CADPS: variants seen among roughly 807,000 people sequenced by gnomAD.
CADPS encodes the protein calcium-dependent secretion activator 1.
In CADPS, 57 loss-of-function variants were observed where a neutral mutation model predicts 167.3. The observed-to-expected ratio is 0.34, with a 90% CI of 0.28 to 0.42. The LOEUF is 0.42. CADPS is among the 20% of genes least tolerant of loss of function. The pLI is 1.00. For synonymous variants in CADPS, 676 were observed against 635.3 expected, an observed-to-expected ratio of 1.06 and a Z score of -0.96; for missense variants, 1,414 against 1,738.1, an observed-to-expected ratio of 0.81 and a Z score of 3.32.
intron 6 of CADPS, among the ~76,000 whole-genome samples, chr3:62,609,190 A>G (rs1287364682): frequency 6.6e-6 from 1 of 151,834 alleles, no homozygotes; most frequent in African/African-American, 2.4e-5. Context: ...GTTCTTACAA[A>G]TGTTAGTTGA....
intron 17 of CADPS, among the ~76,000 whole-genome samples, chr3:62,506,469 G>T (rs1401018756): frequency 6.6e-6 from 1 of 152,144 alleles, no homozygotes; most frequent in Non-Finnish European, 1.5e-5. Flanking sequence ...ATTAAAGAAA[G>T]AAATATAACA....
chr3:62,585,105 T>C, intron 8 of CADPS, 80 bp downstream of exon 8: 1 of 1,311,028 alleles, frequency 7.6e-7, no homozygotes, highest in Non-Finnish European at 1.1e-6. Flanking sequence ...TCTCTGAAGA[T>C]CTTGTGTTTA....
chr3:62,443,230 C>A (rs1576127861), intron 27 of CADPS, among the ~76,000 whole-genome samples: 1 of 152,190 alleles, frequency 6.6e-6, no homozygotes, highest in African/African-American at 2.4e-5. Context: ...AAATTAACTT[C>A]TCTGTGCCTT....
At chr3:62,627,058 T>C (rs1247694249) in intron 6 of CADPS, among the ~76,000 whole-genome samples, 1 of 152,150 alleles carries the variant, frequency 6.6e-6, no homozygotes, top group Non-Finnish European at 1.5e-5. Context: ...AATATGTGTA[T>C]ATGAGGATTT....
Position 62,630,521 on chromosome 3 carries a change from T to A in CADPS, c.1325+15201A>T, listed in dbSNP as rs191873237. Among the ~76,000 whole-genome samples, 575 of 152,112 alleles carry A rather than the reference T, an allele frequency of 3.8e-3. 2 individuals carry two copies. Among genetic ancestry groups the A allele is most frequent in the Non-Finnish European group, 7.1e-3 (483 of 67,974 alleles). On this transcript the variant is annotated intron_variant, in intron 6 of 29. Coordinates refer to ENST00000383710, the MANE Select transcript of CADPS (RefSeq NM_003716.4). Reference sequence around the variant, plus strand: ...GCACCACCACACCCAGCTTTTTTTTTAATTTTTAAATTTTTGGTAGAGATG... The same window carrying A: ...GCACCACCACACCCAGCTTTTTTTTAAATTTTTAAATTTTTGGTAGAGATG...
chr3:62,740,253 T>C (rs2079915238), intron 3 of CADPS, among the ~76,000 whole-genome samples: 1 of 152,174 alleles, frequency 6.6e-6, no homozygotes, highest in Non-Finnish European at 1.5e-5. Context: ...TCTTGGAAGA[T>C]CCCCAAAGTG....
chr3:62,476,065 A>G (rs2150677967), intron 23 of CADPS, among the ~76,000 whole-genome samples: 1 of 152,310 alleles, frequency 6.6e-6, no homozygotes, highest in Non-Finnish European at 1.5e-5. Context: ...AAAAGACAGC[A>G]TGCCTTGTTT....
At chr3:62,568,728 A>G (rs2080757484) in intron 9 of CADPS, among the ~76,000 whole-genome samples, 2 of 152,162 alleles carry the variant, frequency 1.3e-5, no homozygotes, top group African/African-American at 4.8e-5. Flanking sequence ...GCCCTTTCTT[A>G]TATACATATA....
At chr3:62,569,140 G>T (rs908785901) in intron 9 of CADPS, among the ~76,000 whole-genome samples, 1 of 152,058 alleles carries the variant, frequency 6.6e-6, no homozygotes, top group Non-Finnish European at 1.5e-5. Flanking sequence ...TGCTCTTGTT[G>T]CCCAGGCTGG....
intron 6 of CADPS, among the ~76,000 whole-genome samples, chr3:62,618,335 A>G (rs1567092): frequency 0.44 from 67,039 of 151,804 alleles, 16,523 homozygotes; most frequent in East Asian, 0.78. Flanking sequence ...CTTCATTTAT[A>G]TGGACTAATG....
At chr3:62,410,353 A>G (rs17066380) in intron 28 of CADPS, among the ~76,000 whole-genome samples, 38,728 of 152,174 alleles carry the variant, frequency 0.25, 4,987 homozygotes, top group Admixed American at 0.3. Flanking sequence ...ATATTAGGAA[A>G]GCAAAGCATT....
intron 6 of CADPS, among the ~76,000 whole-genome samples, chr3:62,596,200 AT>A (rs11361617): frequency 0.85 from 116,567 of 136,748 alleles, 50,363 homozygotes; most frequent in Non-Finnish European, 0.93. Context: ...ACAGAGTGCT[AT>A]TTTTTTTTTT....
chr3:62,492,850 T>A (rs545182365), intron 19 of CADPS, among the ~76,000 whole-genome samples: 2 of 152,352 alleles, frequency 1.3e-5, no homozygotes, highest in East Asian at 3.9e-4. Flanking sequence ...TGGTCTAACT[T>A]GAAAATTTGT....
chr3:62,399,661 G>A lies in CADPS; in HGVS notation c.3883-76C>T. The A allele has an allele frequency of 8.1e-7, 1 of 1,236,858 alleles. No individual in the cohort carries two copies. Among genetic ancestry groups the A allele is most frequent in the Non-Finnish European group, 1.2e-6 (1 of 854,744 alleles). 76.6% of individuals were successfully genotyped at this position (1,236,858 alleles called of 1,614,324 possible). A position where few individuals can be genotyped will look rare whatever the true frequency, so the allele number is the denominator to read the frequency against. Reference sequence around the variant, plus strand: ...GGAGGGAGAAGGTAAAAGCAGGTGTGGGTGGGAGAGCACTGACCTTCAGCT... The same window carrying A: ...GGAGGGAGAAGGTAAAAGCAGGTGTAGGTGGGAGAGCACTGACCTTCAGCT... On this transcript the variant is annotated intron_variant, in intron 29 of 29. Coordinates refer to ENST00000383710, the MANE Select transcript of CADPS (RefSeq NM_003716.4). This position sits in a 1 kb window ranked among gnomAD's most constrained non-coding sequence, Gnocchi z 5.6.
At chr3:62,571,469 A>C (rs1174236844) in intron 8 of CADPS, among the ~76,000 whole-genome samples, 1 of 152,214 alleles carries the variant, frequency 6.6e-6, no homozygotes, top group African/African-American at 2.4e-5. Context: ...CTGTTGAAAG[A>C]AATTAATTTT....
chr3:62,398,965 A>T lies in CADPS; in HGVS notation c.*441T>A, dbSNP rs1704953081. 6.5e-6 allele frequency: 1 copy of T among 153,182 alleles called. No individual in the cohort carries two copies. The highest frequency in any genetic ancestry group is 1.5e-5 in the Non-Finnish European group (1 of 68,456). 9.5% of individuals were successfully genotyped at this position (153,182 alleles called of 1,614,324 possible). On this transcript the variant is annotated 3_prime_UTR_variant, in exon 30 of 30. Coordinates refer to ENST00000383710, the MANE Select transcript of CADPS (RefSeq NM_003716.4). ...AAATAAAAATAAAAACACAAAGCAG[A>T]TCTATGTGTTTTAATTAATTTATTT...
At chr3:62,843,636 G>A (rs1017872304) in intron 1 of CADPS, among the ~76,000 whole-genome samples, 2 of 152,040 alleles carry the variant, frequency 1.3e-5, no homozygotes, top group East Asian at 1.9e-4. Flanking sequence ...CAAAACTCCT[G>A]CCTTATAGTA....
intron 24 of CADPS, chr3:62,470,670 GC>G (rs1160897506): frequency 1.3e-5 from 2 of 152,278 alleles, no homozygotes; most frequent in Admixed American, 1.3e-4. Context: ...ATTTCCCACA[GC>G]TGGTCATTTA....
At chr3:62,713,262 C>T (rs940530433) in intron 3 of CADPS, among the ~76,000 whole-genome samples, 1 of 152,086 alleles carries the variant, frequency 6.6e-6, no homozygotes, top group Admixed American at 6.5e-5. Flanking sequence ...ACTACCATTT[C>T]TTTCAGGGGG....
Sources: gnomAD v4.1 joint callset for allele counts (sites outside exome capture counted in the v4.1 genomes callset) on GRCh38, gnomAD v4.1.1 for gene constraint, Gnocchi (gnomAD v3.1) non-coding constraint, MANE v1.5 for transcripts, NCBI Gene and HGNC (gene_info 2026-07-23, HGNC 2026-07-21) for gene names.